Variants in NCOA3 observed in about 807,000 individuals in gnomAD.
The protein encoded by NCOA3 is nuclear receptor coactivator 3, also known as CBP-interacting protein.
In NCOA3, 51 loss-of-function variants were observed where a neutral mutation model predicts 158.8. The ratio of observed to expected loss-of-function variants is 0.32; its 90% CI spans 0.26 to 0.41. NCOA3 has a LOEUF of 0.41. Ranked by LOEUF, NCOA3 falls within the 10% of genes least tolerant of loss-of-function variation. NCOA3 has a pLI of 1.00. For synonymous variants in NCOA3, 537 were observed against 592.4 expected (o/e 0.91, Z 1.36); for missense variants, 1,510 against 1,746.6 (o/e 0.86, Z 2.41).
chr20:47,545,633 T>G (rs2084815805), intron 1 of NCOA3, among the ~76,000 whole-genome samples: 1 of 152,162 alleles, frequency 6.6e-6, no homozygotes, highest in East Asian at 1.9e-4. Context: ...GTGCTGTTTT[T>G]TTTTTATTTG....
intron 2 of NCOA3, among the ~76,000 whole-genome samples, chr20:47,589,289 C>T (rs928335669): frequency 6.6e-6 from 1 of 152,148 alleles, no homozygotes; most frequent in African/African-American, 2.4e-5. Context: ...GCTTTGGTAA[C>T]TTGATTAATT....
rs1363378718 is a variant in NCOA3, at chr20:47,519,148, G to A, written c.-99+17129G>A. Among the ~76,000 whole-genome samples, 7 of 125,848 alleles carry A rather than the reference G, an allele frequency of 5.6e-5. No homozygotes were observed. The Admixed American group carries it at 5.6e-4, about 10-fold the overall frequency. 82.6% of individuals were successfully genotyped at this position (125,848 alleles called of 152,430 possible). On this transcript the variant is annotated intron_variant, in intron 1 of 22. Transcript: ENST00000371998. ...GAGACTCCATCTCAAAAAAAAAAAAGAAAAAGCCAGGCACGGTGGGTCACG... is the reference window on the plus strand; with the variant it reads ...GAGACTCCATCTCAAAAAAAAAAAAAAAAAAGCCAGGCACGGTGGGTCACG...
intron 1 of NCOA3, among the ~76,000 whole-genome samples, chr20:47,525,390 C>A (rs1388657276): frequency 1.3e-5 from 2 of 150,516 alleles, no homozygotes; most frequent in Admixed American, 1.3e-4. Flanking sequence ...ACCTTTCCCC[C>A]CTTTCTATTC....
At chr20:47,575,034 A>G (rs148171505) in intron 1 of NCOA3, among the ~76,000 whole-genome samples, 151 of 152,246 alleles carry the variant, frequency 9.9e-4, no homozygotes, top group African/African-American at 3.3e-3. Context: ...ACTTCCCCCA[A>G]TAGCTGCTGC....
At chr20:47,634,794 GATTGGAACTGTCACTAGGT>G (rs1180363828) in intron 10 of NCOA3, among the ~76,000 whole-genome samples, 1 of 152,092 alleles carries the variant, frequency 6.6e-6, no homozygotes. Context: ...TCAATATGTA[GATTGGAACTGTCACTAGGT>G]ATTGGAATGC....
chr20:47,518,010 A>T (rs962557709), intron 1 of NCOA3, among the ~76,000 whole-genome samples: 1 of 152,100 alleles, frequency 6.6e-6, no homozygotes, highest in Non-Finnish European at 1.5e-5. Context: ...TTTTAACTCC[A>T]TTTCCAGGTA....
intron 1 of NCOA3, among the ~76,000 whole-genome samples, chr20:47,515,403 C>T (rs1283505099): frequency 2.6e-5 from 4 of 151,520 alleles, no homozygotes; most frequent in Non-Finnish European, 4.4e-5. Context: ...CCACCCCCCT[C>T]GGCCTCCCAA....
At chr20:47,577,827 T>C (rs977022643) in intron 1 of NCOA3, among the ~76,000 whole-genome samples, 3 of 152,222 alleles carry the variant, frequency 2.0e-5, no homozygotes, top group African/African-American at 7.2e-5. Context: ...TTATTATGAA[T>C]TTTCAGGCTG....
intron 1 of NCOA3, among the ~76,000 whole-genome samples, chr20:47,547,772 GTGGCA>G (rs1282880536): frequency 6.6e-6 from 1 of 151,898 alleles, no homozygotes; most frequent in Non-Finnish European, 1.5e-5. Flanking sequence ...CTGAAGTGCA[GTGGCA>G]TGATCTCAGC....
rs2086513096 is a variant in NCOA3 at position 47,636,229 on chromosome 20, A to G, written c.1843A>G (p.Ser615Gly). Reference sequence around the variant, plus strand: ...AGAGAATCAAAGGGGTCCTTTGGAAAGCAAAGGTCATAAAAAATTACTGCA... The same window carrying G: ...AGAGAATCAAAGGGGTCCTTTGGAAGGCAAAGGTCATAAAAAATTACTGCA... ...GAENQRGPLESKGHKKLLQLL... is the reference protein window; with the variant it reads ...GAENQRGPLEGKGHKKLLQLL... Residue 615 changes from serine to glycine, a missense_variant, in exon 12 of 23, where the codon AGC (serine) becomes GGC (glycine). Ser to Gly is a moderately conservative substitution (Grantham distance 56). Coordinates refer to ENST00000371998, the MANE Select transcript of NCOA3 (RefSeq NM_181659.3). 6.2e-7 allele frequency: 1 copy of G among 1,614,088 alleles called. No individual in the cohort carries two copies. The highest frequency in any genetic ancestry group is 1.3e-5 in the African/African-American group (1 of 74,932).
chr20:47,609,049 G>C (rs1443086951), intron 2 of NCOA3, among the ~76,000 whole-genome samples: 1 of 152,112 alleles, frequency 6.6e-6, no homozygotes, highest in Non-Finnish European at 1.5e-5. Context: ...AACATTATAG[G>C]ATATGTCTGG....
chr20:47,613,377 T>C (rs2086074538), intron 2 of NCOA3, among the ~76,000 whole-genome samples: 1 of 151,900 alleles, frequency 6.6e-6, no homozygotes, highest in African/African-American at 2.4e-5. Context: ...ATTGTTTTTC[T>C]GTTTTCCTGT....
chr20:47,517,373 T>C (rs922952461), intron 1 of NCOA3, among the ~76,000 whole-genome samples: 4 of 152,236 alleles, frequency 2.6e-5, no homozygotes, highest in African/African-American at 9.6e-5. Flanking sequence ...TGAAAAGGAC[T>C]TTTCTTCCTC....
chr20:47,595,080 C>T (rs1161281884), intron 2 of NCOA3, among the ~76,000 whole-genome samples: 2 of 151,524 alleles, frequency 1.3e-5, no homozygotes, highest in East Asian at 2.0e-4. Flanking sequence ...GTGTGAGCCA[C>T]CACGCCCAGC....
intron 1 of NCOA3, among the ~76,000 whole-genome samples, chr20:47,551,340 T>A (rs541038046): frequency 2.0e-5 from 3 of 152,290 alleles, no homozygotes; most frequent in African/African-American, 7.2e-5. Flanking sequence ...TTGGTACCTG[T>A]TTGTTGTCAG....
intron 2 of NCOA3, among the ~76,000 whole-genome samples, chr20:47,601,862 G>GAC (rs2085869920): frequency 6.6e-6 from 1 of 152,150 alleles, no homozygotes; most frequent in Non-Finnish European, 1.5e-5. Flanking sequence ...GTATGTATTG[G>GAC]ACATGAGTAC....
chr20:47,568,954 C>T (rs2085247378), intron 1 of NCOA3, among the ~76,000 whole-genome samples: 1 of 151,260 alleles, frequency 6.6e-6, no homozygotes, highest in Admixed American at 6.6e-5. Context: ...CAAATTAAAA[C>T]AGTTTTTTTT....
At chr20:47,642,156 T>TA in intron 16 of NCOA3, 57 bp from the exon 17 acceptor site, 1 of 1,310,980 alleles carries the variant, frequency 7.6e-7, no homozygotes, top group Admixed American at 2.5e-5. Flanking sequence ...TGCTGTGATC[T>TA]ATTACTCTTA....
intron 14 of NCOA3, 59 bp downstream of exon 14, chr20:47,639,261 T>G: frequency 5.2e-6 from 7 of 1,356,600 alleles, no homozygotes; most frequent in Non-Finnish European, 7.2e-6. Flanking sequence ...TTAAAATACT[T>G]AAAGCCATCT....
Sources: gnomAD v4.1 joint callset for allele counts (sites outside exome capture counted in the v4.1 genomes callset) on GRCh38, gnomAD v4.1.1 for gene constraint, MANE v1.5 for transcripts, NCBI Gene and HGNC (gene_info 2026-07-23, HGNC 2026-07-21) for gene names.